ADAMTS12: variants seen among roughly 807,000 people sequenced by gnomAD.
The protein encoded by ADAMTS12 is ADAM metallopeptidase with thrombospondin type 1 motif 12.
Under a neutral mutation model 167.8 loss-of-function variants are expected in ADAMTS12, and 118 were observed. The observed-to-expected ratio is 0.70, with a 90% confidence interval of 0.61 to 0.82. The LOEUF (loss-of-function observed/expected upper bound fraction) is 0.82, where lower values mean the gene tolerates loss of function less well. ADAMTS12 is among the 40% of genes least tolerant of loss of function. The probability of loss-of-function intolerance (pLI) is 0.00; values close to 1 mark genes in which losing one functional copy is unlikely to be tolerated. For synonymous variants in ADAMTS12, 704 were observed against 716.9 expected, an observed-to-expected ratio of 0.98 and a Z score of 0.29; for missense variants, 1,916 against 1,998.8, an observed-to-expected ratio of 0.96 and a Z score of 0.79.
At chr5:33,764,406 T>C (rs969789852) in intron 2 of ADAMTS12, among the ~76,000 whole-genome samples, 2 of 152,238 alleles carry the variant, frequency 1.3e-5, no homozygotes, top group African/African-American at 4.8e-5. Context: ...TCATGTTAAA[T>C]GCTTCCATTC....
At chr5:33,790,338 A>C (rs1746480167) in intron 2 of ADAMTS12, among the ~76,000 whole-genome samples, 1 of 152,112 alleles carries the variant, frequency 6.6e-6, no homozygotes, top group African/African-American at 2.4e-5. Context: ...ATGGAACACA[A>C]GGTCAAGAGA....
chr5:33,553,099 C>CA (rs774295265), intron 20 of ADAMTS12, among the ~76,000 whole-genome samples: 2 of 151,998 alleles, frequency 1.3e-5, no homozygotes, highest in Non-Finnish European at 2.9e-5. Flanking sequence ...ACGCGGTCAA[C>CA]AATCACATGA....
chr5:33,746,670 G>C (rs1744798432), intron 3 of ADAMTS12, among the ~76,000 whole-genome samples: 1 of 152,220 alleles, frequency 6.6e-6, no homozygotes, highest in African/African-American at 2.4e-5. Context: ...TTCTTTATGT[G>C]TCAACATGGT....
intron 17 of ADAMTS12, among the ~76,000 whole-genome samples, chr5:33,594,543 C>G (rs1424309055): frequency 6.6e-6 from 1 of 152,212 alleles, no homozygotes; most frequent in Non-Finnish European, 1.5e-5. Context: ...GAAGGGCTGT[C>G]TTCCCTGCCT....
intron 2 of ADAMTS12, among the ~76,000 whole-genome samples, chr5:33,819,688 G>T (rs1472566470): frequency 6.6e-6 from 1 of 151,970 alleles, no homozygotes; most frequent in Non-Finnish European, 1.5e-5. Context: ...GGGAAGCATG[G>T]ACATTATAAA....
intron 3 of ADAMTS12, among the ~76,000 whole-genome samples, chr5:33,685,118 A>G (rs1204548682): frequency 6.6e-6 from 1 of 152,160 alleles, no homozygotes; most frequent in East Asian, 1.9e-4. Context: ...ACAGCCACAA[A>G]CACTTCCTGC....
At chr5:33,623,613 G>A (rs944761884) in intron 14 of ADAMTS12, among the ~76,000 whole-genome samples, 7 of 152,214 alleles carry the variant, frequency 4.6e-5, no homozygotes, top group African/African-American at 1.4e-4. Flanking sequence ...ATAGTAAAGC[G>A]TGGGTAAGAA....
chr5:33,707,335 C>A (rs1743238090), intron 3 of ADAMTS12, among the ~76,000 whole-genome samples: 1 of 151,680 alleles, frequency 6.6e-6, no homozygotes. Flanking sequence ...ATTCCATGCT[C>A]ATGGATAGGA....
At chr5:33,776,832 T>G (rs531993555) in intron 2 of ADAMTS12, among the ~76,000 whole-genome samples, 1 of 151,944 alleles carries the variant, frequency 6.6e-6, no homozygotes, top group South Asian at 2.1e-4. Context: ...AAATCAGAAA[T>G]GAAAGAGGAG....
intron 3 of ADAMTS12, among the ~76,000 whole-genome samples, chr5:33,689,187 CA>C (rs761915210): frequency 6.6e-5 from 10 of 152,166 alleles, no homozygotes; most frequent in Non-Finnish European, 1.0e-4. Context: ...TTAATTCTCA[CA>C]TTAAAACATG....
At chr5:33,654,365 C>A (rs1056310402) in intron 7 of ADAMTS12, among the ~76,000 whole-genome samples, 1 of 152,052 alleles carries the variant, frequency 6.6e-6, no homozygotes, top group Non-Finnish European at 1.5e-5. Context: ...ATATTGAAAC[C>A]TGGAGGTTTT....
chr5:33,621,263 G>A (rs1323122727), intron 14 of ADAMTS12, among the ~76,000 whole-genome samples: 1 of 151,950 alleles, frequency 6.6e-6, no homozygotes, highest in Non-Finnish European at 1.5e-5. Context: ...AGCCAGGCGT[G>A]GTGTCACGCA....
intron 2 of ADAMTS12, among the ~76,000 whole-genome samples, chr5:33,753,336 A>G (rs1745062293): frequency 6.6e-6 from 1 of 152,252 alleles, no homozygotes; most frequent in South Asian, 2.1e-4. Flanking sequence ...TGGAACAGGA[A>G]GGAAGAACGG....
chr5:33,860,106 C>A (rs1473802483), intron 2 of ADAMTS12, among the ~76,000 whole-genome samples: 4 of 143,456 alleles, frequency 2.8e-5, no homozygotes, highest in African/African-American at 5.3e-5. Flanking sequence ...GCCTCTTCTC[C>A]TCCAAAGGAT....
At chr5:33,774,101 T>C (rs1745834893) in intron 2 of ADAMTS12, among the ~76,000 whole-genome samples, 1 of 152,184 alleles carries the variant, frequency 6.6e-6, no homozygotes, top group Non-Finnish European at 1.5e-5. Context: ...CCAACCAGTA[T>C]ATTAGACTTT....
chr5:33,531,232 G>C (rs2111734573), intron 23 of ADAMTS12, among the ~76,000 whole-genome samples: 1 of 152,286 alleles, frequency 6.6e-6, no homozygotes, highest in African/African-American at 2.4e-5. Flanking sequence ...CCTTGATTTT[G>C]GACTTCTAGC....
chr5:33,836,838 G>C (rs1448445031), intron 2 of ADAMTS12, among the ~76,000 whole-genome samples: 1 of 152,206 alleles, frequency 6.6e-6, no homozygotes, highest in East Asian at 1.9e-4. Flanking sequence ...CCAGAGCCTA[G>C]AGGGCTGGTG....
chr5:33,760,584 G>C (rs1745318177), intron 2 of ADAMTS12, among the ~76,000 whole-genome samples: 1 of 152,156 alleles, frequency 6.6e-6, no homozygotes, highest in Non-Finnish European at 1.5e-5. Context: ...AACTAGGAAA[G>C]GAATTTTCAT....
At chr5:33,568,439 G>T (rs11742409) in intron 19 of ADAMTS12, among the ~76,000 whole-genome samples, 49,957 of 152,012 alleles carry the variant, frequency 0.33, 9,209 homozygotes, top group Non-Finnish European at 0.41. Context: ...TTATATAAAA[G>T]AATTTTATAT....
Sources: gnomAD v4.1 joint callset for allele counts (sites outside exome capture counted in the v4.1 genomes callset) on GRCh38, gnomAD v4.1.1 for gene constraint, MANE v1.5 for transcripts, NCBI Gene and HGNC (gene_info 2026-07-23, HGNC 2026-07-21) for gene names.